The following PIEZO2 variants were observed in gnomAD, a reference collection of about 807,000 sequenced individuals.
The protein encoded by PIEZO2 is piezo-type mechanosensitive ion channel component 2.
PIEZO2 carries 172 observed loss-of-function variants against 337.3 expected under a neutral mutation model. That is an observed-to-expected ratio of 0.51 (90% CI 0.45 to 0.58). The LOEUF is 0.58. Among genes scored for constraint, PIEZO2 ranks in the 20% least tolerant of loss-of-function variants. The pLI, the probability that PIEZO2 is intolerant of heterozygous loss-of-function variation, is 0.00. For missense variants in PIEZO2, 3,028 were observed against 3,391.3 expected, an observed-to-expected ratio of 0.89 and a Z score of 2.66; for synonymous variants, 1,251 against 1,228.5, an observed-to-expected ratio of 1.02 and a Z score of -0.38.
chr18:10,769,906 C>T (rs936723105), intron 21 of PIEZO2: 9 of 397,374 alleles, frequency 2.3e-5, no homozygotes, highest in Non-Finnish European at 4.0e-5. Context: ...CCTAAGGATT[C>T]GATGAAAATA....
intron 2 of PIEZO2, among the ~76,000 whole-genome samples, chr18:11,055,399 A>G (rs1375679313): frequency 6.6e-6 from 1 of 152,152 alleles, no homozygotes; most frequent in East Asian, 1.9e-4. Context: ...GAAAAATAAA[A>G]CCTGCTCATA....
intron 4 of PIEZO2, among the ~76,000 whole-genome samples, chr18:10,874,835 G>A (rs1304456338): frequency 6.6e-6 from 1 of 152,128 alleles, no homozygotes; most frequent in Non-Finnish European, 1.5e-5. Flanking sequence ...GGGGAGCGAG[G>A]AGTAGTTGGT....
At position 10,953,453 on chromosome 18, in the gene PIEZO2, CT is replaced by C. The variant is rs1270929059; in HGVS notation, c.286+26081del. 6.6e-6 allele frequency among the ~76,000 whole-genome samples: 1 copy of C among 151,960 alleles called. No homozygotes were observed. Among genetic ancestry groups the C allele is most frequent in the Non-Finnish European group, 1.5e-5 (1 of 67,968 alleles). ...ATGGAGCAAATTAAGAATTTAAGTT[CT>C]TTTTTTAATATAAAAAAACACTATT... is the stretch of plus-strand genomic sequence containing the variant. On this transcript the variant is annotated intron_variant, in intron 3 of 55. Transcript: ENST00000674853. The surrounding 1 kb of genome is among the most constrained non-coding windows in gnomAD (Gnocchi z 5.2).
chr18:10,807,312 T>A, intron 7 of PIEZO2, 38 bp from the exon 8 acceptor site: 1 of 1,513,844 alleles, frequency 6.6e-7, no homozygotes, highest in East Asian at 2.5e-5. Flanking sequence ...AAAGATGCAA[T>A]AAGCTATATG....
intron 4 of PIEZO2, chr18:10,908,636 T>C (rs2030176227): frequency 1.3e-5 from 2 of 152,266 alleles, no homozygotes; most frequent in African/African-American, 4.8e-5. Context: ...TGCAGAATAC[T>C]GTTGGCCCTT....
rs965621029 is a variant in PIEZO2 at position 10,759,962 on chromosome 18, G to C, written c.3451-53C>G. On this transcript the variant is annotated intron_variant, in intron 24 of 55. Transcript: ENST00000674853. The surrounding 1 kb of genome is among the most constrained non-coding windows in gnomAD (Gnocchi z 5.5). ...AAAAAAATCAGGCATATGGGAAAGG[G>C]GACTGGTGATAGGTGTCAGGTCTGT... 4 of 1,483,772 alleles carry C rather than the reference G, an allele frequency of 2.7e-6. No homozygotes were observed. The highest frequency in any genetic ancestry group is 2.0e-5 in the Admixed American group (1 of 50,694). The allele number at this position is 1,483,772 out of a possible 1,614,324, so 91.9% of individuals were successfully genotyped here. A position where few individuals can be genotyped will look rare whatever the true frequency, so the allele number is the denominator to read the frequency against.
chr18:10,782,225 A>T (rs12456970), intron 17 of PIEZO2, among the ~76,000 whole-genome samples: 37,341 of 126,974 alleles, frequency 0.29, 6,601 homozygotes, highest in Middle Eastern at 0.41. Flanking sequence ...ATATATCATA[A>T]TATATATGAT....
intron 7 of PIEZO2, among the ~76,000 whole-genome samples, chr18:10,808,082 C>A (rs2040057037): frequency 6.6e-6 from 1 of 151,950 alleles, no homozygotes; most frequent in African/African-American, 2.4e-5. Context: ...CTACTGTTTG[C>A]ATCTTTTATT....
At position 10,718,275 on chromosome 18, in the gene PIEZO2, A is replaced by G. The variant is rs1420250305; in HGVS notation, c.5030-16T>C. 6.5e-7 allele frequency: 1 copy of G among 1,532,106 alleles called. No homozygotes were observed. The highest frequency in any genetic ancestry group is 8.8e-7 in the Non-Finnish European group (1 of 1,142,318). 94.9% of individuals were successfully genotyped at this position (1,532,106 alleles called of 1,614,324 possible). On this transcript the variant is annotated splice_polypyrimidine_tract_variant and intron_variant, in intron 36 of 55. Coordinates refer to ENST00000674853, the MANE Select transcript of PIEZO2 (RefSeq NM_001378183.1). ...TCCACAGGACCTGCCAAGTGTGTTCAATAAAGATGAGTTAAATTCCATCTA... is the reference window on the plus strand; with the variant it reads ...TCCACAGGACCTGCCAAGTGTGTTCGATAAAGATGAGTTAAATTCCATCTA...
At chr18:11,145,841 G>T (rs2040795501) in intron 1 of PIEZO2, among the ~76,000 whole-genome samples, 1 of 152,172 alleles carries the variant, frequency 6.6e-6, no homozygotes, top group Non-Finnish European at 1.5e-5. Context: ...CACGTGAGGA[G>T]GTCACTAGGG....
chr18:11,007,678 T>C (rs2035768302), intron 2 of PIEZO2, among the ~76,000 whole-genome samples: 1 of 152,054 alleles, frequency 6.6e-6, no homozygotes, highest in Non-Finnish European at 1.5e-5. Context: ...ACTAAAATCA[T>C]CGAAAACAAT....
chr18:10,673,484 G>A lies in PIEZO2; in HGVS notation c.8162-611C>T, dbSNP rs897505822. Among the ~76,000 whole-genome samples, 3 of 152,082 alleles carry A rather than the reference G, an allele frequency of 2.0e-5. No homozygotes were observed. The highest frequency in any genetic ancestry group is 1.3e-4 in the Admixed American group (2 of 15,270). On this transcript the variant is annotated intron_variant, in intron 54 of 55. Coordinates refer to ENST00000674853, the MANE Select transcript of PIEZO2 (RefSeq NM_001378183.1). The surrounding 1 kb of genome is among the most constrained non-coding windows in gnomAD (Gnocchi z 4.8). ...GGAGATAACTTCTGAGCTGAGATTC[G>A]CCAAGTGAGAACTTCAATAGGTGAA...
chr18:10,808,862 C>G lies in PIEZO2; in HGVS notation c.918-1588G>C, dbSNP rs966686609. On this transcript the variant is annotated intron_variant, in intron 7 of 55. Transcript: ENST00000674853. ...AAGCTAGATAGTCTCTTGGGTTAAT[C>G]TAAGTGACAGCTCTTCCAGCCGCTG... Among the ~76,000 whole-genome samples the G allele has an allele frequency of 2.2e-4, 34 of 152,320 alleles. 1 individual carries two copies. The highest frequency in any genetic ancestry group is 7.5e-4 in the African/African-American group (31 of 41,588).
At chr18:10,995,082 A>AAAAAGAAAAAAAAG (rs1555689860) in intron 2 of PIEZO2, among the ~76,000 whole-genome samples, 4 of 128,124 alleles carry the variant, frequency 3.1e-5, no homozygotes, top group Non-Finnish European at 4.8e-5. Flanking sequence ...CGTCTCAAAA[A>AAAAAGAAAAAAAAG]AAAAAAAAAA....
chr18:10,921,676 A>G (rs9953657), intron 3 of PIEZO2, among the ~76,000 whole-genome samples: 22,559 of 152,096 alleles, frequency 0.15, 1,728 homozygotes, highest in African/African-American at 0.18. Flanking sequence ...AATGAGAGAG[A>G]TCACCTTAAA....
intron 10 of PIEZO2, 118 bp downstream of exon 10, chr18:10,801,272 T>A: frequency 2.3e-6 from 2 of 854,630 alleles, no homozygotes; most frequent in South Asian, 4.4e-5. Flanking sequence ...TGCCCAAAAA[T>A]GGAAAAGCTT....
chr18:10,736,652 T>C lies in PIEZO2; in HGVS notation c.4767A>G (p.Glu1589=). ...FETDSEEEEE[E]ELKKEDEEPP... is the part of the protein sequence containing the mutation. Reference sequence around the variant, plus strand: ...GTTCTTCATCTTCCTTCTTTAATTCTTCCTCTTCCTCCTCTTCACTATCCG... The same window carrying C: ...GTTCTTCATCTTCCTTCTTTAATTCCTCCTCTTCCTCCTCTTCACTATCCG... The change falls in exon 34 of 56, where the codon GAA becomes GAG. Residue 1589 remains glutamate, a synonymous_variant. Coordinates refer to ENST00000674853, the MANE Select transcript of PIEZO2 (RefSeq NM_001378183.1). 1 of 1,537,186 alleles carries C rather than the reference T, an allele frequency of 6.5e-7. No homozygotes were observed. The highest frequency in any genetic ancestry group is 8.7e-7 in the Non-Finnish European group (1 of 1,146,834).
In PIEZO2 at chr18:10,671,453, AGCTC is replaced by A; in HGVS notation, c.*70_*73del. The A allele has an allele frequency of 6.9e-7, 1 of 1,444,022 alleles. No individual in the cohort carries two copies. The highest frequency in any genetic ancestry group is 9.3e-7 in the Non-Finnish European group (1 of 1,070,972). 89.5% of individuals were successfully genotyped at this position (1,444,022 alleles called of 1,614,324 possible). A position where few individuals can be genotyped will look rare whatever the true frequency, so the allele number is the denominator to read the frequency against. On this transcript the variant is annotated 3_prime_UTR_variant, in exon 56 of 56. Coordinates refer to ENST00000674853, the MANE Select transcript of PIEZO2 (RefSeq NM_001378183.1). ...CATTTCCGTCGAACTAGAAATGCTT[AGCTC>A]TTATGAGAATATTGTGCTTTTAAAA...
chr18:10,743,975 G>A (rs183829399), intron 31 of PIEZO2, among the ~76,000 whole-genome samples, 167 bp downstream of exon 31: 22 of 152,274 alleles, frequency 1.4e-4, no homozygotes, highest in Admixed American at 1.3e-3. Context: ...TTTCAGTCTA[G>A]TGGCATGAGC....
Sources: gnomAD v4.1 joint callset for allele counts (sites outside exome capture counted in the v4.1 genomes callset) on GRCh38, gnomAD v4.1.1 for gene constraint, Gnocchi (gnomAD v3.1) non-coding constraint, MANE v1.5 for transcripts, NCBI Gene and HGNC (gene_info 2026-07-23, HGNC 2026-07-21) for gene names.